NOBOX: variants seen among roughly 807,000 people sequenced by gnomAD.
The protein encoded by NOBOX is homeobox protein NOBOX.
A neutral mutation model predicts 60.2 loss-of-function variants in NOBOX; 46 were observed. The ratio of observed to expected loss-of-function variants is 0.76; its 90% confidence interval spans 0.60 to 0.98. The LOEUF is 0.98. Among genes scored for constraint, NOBOX ranks in the 50% least tolerant of loss-of-function variants. The pLI, the probability that NOBOX is intolerant of heterozygous loss-of-function variation, is 0.00. For synonymous variants in NOBOX, 360 were observed against 346.3 expected (o/e 1.04, Z -0.44); for missense variants, 880 against 865.5 (o/e 1.02, Z -0.21).
At chr7:144,402,816 G>C (rs1563129864) in intron 2 of NOBOX, among the ~76,000 whole-genome samples, 1 of 138,860 alleles carries the variant, frequency 7.2e-6, no homozygotes, top group Non-Finnish European at 1.5e-5. Context: ...CAGTGACATG[G>C]TGCAATTCTG....
Position 144,401,485 on chromosome 7 carries a change from G to A in NOBOX, c.405C>T (p.Cys135=). Residue 135 remains cysteine (C), a synonymous_variant, in exon 4 of 10, where the codon TGC becomes TGT. Coordinates refer to ENST00000467773, the MANE Select transcript of NOBOX (RefSeq NM_001080413.3). The surrounding 1 kb of genome is among the most constrained non-coding windows in gnomAD (Gnocchi z 4.2). The stretch of plus-strand genomic sequence containing the variant: ...GCGGCTTCTTCTCTCCTGAGATGGT[G>A]CAGGAGGGTGGCAGTTCCTCACTCT... The A allele has an allele frequency of 1.9e-6, 3 of 1,545,928 alleles. No homozygotes were observed. Among genetic ancestry groups the A allele is most frequent in the Non-Finnish European group, 2.6e-6 (3 of 1,149,760 alleles).
chr7:144,410,178 T>A lies in NOBOX; in HGVS notation c.50A>T (p.Asp17Val), dbSNP rs376970186. 1.9e-6 allele frequency: 3 copies of A among 1,571,548 alleles called. No individual in the cohort carries two copies. Among genetic ancestry groups the A allele is most frequent in the African/African-American group, 2.7e-5 (2 of 74,124 alleles). ...TTTGAAGCCATCCTTGTCTCTGGTG[T>A]CCCAGGTACCCTCCAGGTCTGGTGA... The change falls in exon 1 of 10, where the codon GAC (aspartate) becomes GTC (valine). Residue 17 changes from aspartate (D) to valine (V), a missense_variant. By Grantham distance (152) the Asp-to-Val change is radical. Transcript: ENST00000467773.
intron 1 of NOBOX, among the ~76,000 whole-genome samples, chr7:144,405,191 A>C (rs1022365166): frequency 2.6e-5 from 4 of 152,224 alleles, no homozygotes; most frequent in African/African-American, 9.6e-5. Flanking sequence ...GCCTTCCATA[A>C]GGCGGATAGC....
chr7:144,407,380 G>A lies in NOBOX; in HGVS notation c.86-2700C>T, dbSNP rs115181736. ...CCTAGGACCAGAAAGGCAAGAATAA[G>A]TTGTGAAAGACAGGCAGAAATCTGC... On this transcript the variant is annotated intron_variant, in intron 1 of 9. Coordinates refer to ENST00000467773, the MANE Select transcript of NOBOX (RefSeq NM_001080413.3). Among the ~76,000 whole-genome samples the A allele has an allele frequency of 3.3e-3, 502 of 152,348 alleles. 3 individuals are homozygous for A. Among genetic ancestry groups the A allele is most frequent in the African/African-American group, 0.012 (486 of 41,584 alleles).
At chr7:144,400,360 G>T in intron 4 of NOBOX, 48 bp from the exon 3 acceptor site, 1 of 1,548,418 alleles carries the variant, frequency 6.5e-7, no homozygotes, top group Non-Finnish European at 8.9e-7. Context: ...CCAGTGACAG[G>T]TAGGTGAAGA....
intron 2 of NOBOX, 64 bp from the exon 1 acceptor site, chr7:144,403,757 CG>C: frequency 4.6e-6 from 3 of 657,538 alleles, no homozygotes; most frequent in South Asian, 1.6e-5. Flanking sequence ...GAAGCCTCGC[CG>C]GGCGGGCAGG....
At chr7:144,399,910 CTG>C (rs769397249) in intron 5 of NOBOX, 47 bp from the exon 4 acceptor site, 1 of 1,500,098 alleles carries the variant, frequency 6.7e-7, no homozygotes, top group South Asian at 1.2e-5. Context: ...GGGGCAGAGA[CTG>C]AGGCTTAGGT....
intron 1 of NOBOX, chr7:144,410,080 TC>T: frequency 9.3e-7 from 1 of 1,071,132 alleles, no homozygotes; most frequent in Non-Finnish European, 1.4e-6. Context: ...GGAAGACAAC[TC>T]TGTCTTCTGT....
intron 1 of NOBOX, among the ~76,000 whole-genome samples, chr7:144,408,864 G>A (rs995597735): frequency 6.6e-5 from 10 of 152,124 alleles, no homozygotes; most frequent in Non-Finnish European, 1.5e-4. Context: ...TATAGTGGTG[G>A]TTCCACAAGT....
In NOBOX at chr7:144,401,843, G is replaced by A; in HGVS notation, c.292+26C>T. ...AATTCTGAGACGGCGTTAGCTCATG[G>A]TATCTCCTAATTTGGGGGTACTCAC... On this transcript the variant is annotated intron_variant, in intron 3 of 9. Coordinates refer to ENST00000467773, the MANE Select transcript of NOBOX (RefSeq NM_001080413.3). This position sits in a 1 kb window ranked among gnomAD's most constrained non-coding sequence, Gnocchi z 4.2. 2.0e-6 allele frequency: 3 copies of A among 1,464,298 alleles called. No individual in the cohort carries two copies. Among genetic ancestry groups the A allele is most frequent in the Non-Finnish European group, 2.9e-6 (3 of 1,048,674 alleles). The allele number at this position is 1,464,298 out of a possible 1,614,324, so 90.7% of individuals were successfully genotyped here.
intron 9 of NOBOX, among the ~76,000 whole-genome samples, chr7:144,397,883 G>A (rs1164207877): frequency 2.0e-5 from 3 of 152,142 alleles, no homozygotes; most frequent in African/African-American, 7.2e-5. Context: ...GGATTTCAGA[G>A]GTCCAAGTGG....
chr7:144,405,491 A>C (rs1334617581), intron 1 of NOBOX, among the ~76,000 whole-genome samples: 3 of 152,158 alleles, frequency 2.0e-5, no homozygotes, highest in African/African-American at 7.2e-5. Context: ...GAGGAGCAGG[A>C]ACCCCTTCTG....
chr7:144,399,678 T>TCC lies in NOBOX; in HGVS notation c.1154+77_1154+78dup. 3 of 1,284,488 alleles carry TCC rather than the reference T, an allele frequency of 2.3e-6. No individual in the cohort carries two copies. In the Admixed American group the frequency reaches 6.0e-5, roughly 26 times the overall value. 79.6% of individuals were successfully genotyped at this position (1,284,488 alleles called of 1,614,324 possible). ...ACTCATGCCTAGCCTTCCAATGGTC[T>TCC]CCTTCTAGACCCTCAGGATCCCAGC... On this transcript the variant is annotated intron_variant, in intron 6 of 9. Transcript: ENST00000467773.
At position 144,401,469 on chromosome 7, in the gene NOBOX, T is replaced by G; in HGVS notation, c.421A>C (p.Lys141Gln). ...TCTCCAGAGACTGCTGGCGGCTTCT[T>G]CTCTCCTGAGATGGTGCAGGAGGGT... Residue 141 changes from lysine to glutamine, a missense_variant, in exon 4 of 10, where the codon AAG becomes CAG. Lys to Gln is a moderately conservative substitution (Grantham distance 53). Coordinates refer to ENST00000467773, the MANE Select transcript of NOBOX (RefSeq NM_001080413.3). This position sits in a 1 kb window ranked among gnomAD's most constrained non-coding sequence, Gnocchi z 4.2. 6.3e-7 allele frequency: 1 copy of G among 1,579,330 alleles called. No homozygotes were observed. Among genetic ancestry groups the G allele is most frequent in the Non-Finnish European group, 8.6e-7 (1 of 1,164,044 alleles).
chr7:144,399,363 C>T lies in NOBOX; in HGVS notation c.1240+34G>A, dbSNP rs11769787. ...GGCCTGTCTTCACTATCTTTAGTTG[C>T]CATTTTCCCCCAGCTCTGAAGGTGG... On this transcript the variant is annotated intron_variant, in intron 7 of 9. Coordinates refer to ENST00000467773, the MANE Select transcript of NOBOX (RefSeq NM_001080413.3). 617,623 of 1,442,658 alleles carry T rather than the reference C, an allele frequency of 0.43. 138,228 individuals are homozygous for T. Among genetic ancestry groups the T allele is most frequent in the East Asian group, 0.78 (31,950 of 40,978 alleles). The allele number at this position is 1,442,658 out of a possible 1,614,324, so 89.4% of individuals were successfully genotyped here.
In NOBOX at chr7:144,398,478, C is replaced by T. The variant is rs940417547; in HGVS notation, c.1578G>A (p.Pro526=). 1.2e-5 allele frequency: 19 copies of T among 1,536,890 alleles called. No homozygotes were observed. The highest frequency in any genetic ancestry group is 1.7e-4 in the Middle Eastern group (1 of 5,948). The stretch of plus-strand genomic sequence containing the variant: ...ACTTGGGCTGAGGGGACTGGAAAAG[C>T]GGGGGCTGTGGAGCCTGGGAGAACT... The change falls in exon 9 of 10, where the codon CCG becomes CCA. Residue 526 remains proline (P), a synonymous_variant. Coordinates refer to ENST00000467773, the MANE Select transcript of NOBOX (RefSeq NM_001080413.3).
chr7:144,405,697 G>C (rs1259992084), intron 1 of NOBOX, among the ~76,000 whole-genome samples: 1 of 152,140 alleles, frequency 6.6e-6, no homozygotes, highest in Admixed American at 6.5e-5. Flanking sequence ...GGTGGTGTGT[G>C]TATGTCTTTT....
chr7:144,401,456 G>T lies in NOBOX; in HGVS notation c.434C>A (p.Ala145Glu). The T allele has an allele frequency of 6.3e-7, 1 of 1,590,070 alleles. No homozygotes were observed. The highest frequency in any genetic ancestry group is 8.6e-7 in the Non-Finnish European group (1 of 1,168,930). ...AGCCCCGGTGGCTTCTCCAGAGACT[G>T]CTGGCGGCTTCTTCTCTCCTGAGAT... The change falls in exon 4 of 10, where the codon GCA (alanine) becomes GAA (glutamate). Residue 145 changes from alanine (A) to glutamate (E), a missense_variant. Ala to Glu is a moderately radical substitution (Grantham distance 107, BLOSUM62 -1). Coordinates refer to ENST00000467773, the MANE Select transcript of NOBOX (RefSeq NM_001080413.3). This position sits in a 1 kb window ranked among gnomAD's most constrained non-coding sequence, Gnocchi z 4.2.
chr7:144,398,665 C>A, intron 8 of NOBOX, 79 bp from the exon 7 acceptor site: 1 of 984,118 alleles, frequency 1.0e-6, no homozygotes, highest in Non-Finnish European at 1.5e-6. Context: ...GGAGTCCCTA[C>A]CTCTCGCCTC....
Sources: gnomAD v4.1 joint callset for allele counts (sites outside exome capture counted in the v4.1 genomes callset) on GRCh38, gnomAD v4.1.1 for gene constraint, Gnocchi (gnomAD v3.1) non-coding constraint, MANE v1.5 for transcripts, NCBI Gene and HGNC (gene_info 2026-07-23, HGNC 2026-07-21) for gene names.